PKD1L1: variants seen among roughly 807,000 people sequenced by gnomAD.
PKD1L1 encodes polycystin-1-like protein 1.
In PKD1L1, 236 loss-of-function variants were observed where a neutral mutation model predicts 323.4. The ratio of observed to expected loss-of-function variants is 0.73; its 90% CI spans 0.66 to 0.81. The LOEUF is 0.81. PKD1L1 is among the 40% of genes least tolerant of loss of function. The pLI is 0.00. For missense variants in PKD1L1, 3,320 were observed against 3,508.0 expected, an observed-to-expected ratio of 0.95 and a Z score of 1.35; for synonymous variants, 1,344 against 1,335.0, an observed-to-expected ratio of 1.01 and a Z score of -0.15.
chr7:47,826,911 T>C (rs949682316), intron 45 of PKD1L1, among the ~76,000 whole-genome samples: 2 of 152,272 alleles, frequency 1.3e-5, no homozygotes, highest in African/African-American at 4.8e-5. Context: ...GCTAAATCCA[T>C]GCCCTAAGAA....
chr7:47,815,594 C>T (rs1784999410), intron 46 of PKD1L1, 137 bp from the exon 47 acceptor site: 1 of 1,013,680 alleles, frequency 9.9e-7, no homozygotes, highest in South Asian at 1.6e-5. Context: ...ACTCAAGCTG[C>T]TTGCAGCGTG....
At chr7:47,786,789 C>T (rs1367363551) in intron 56 of PKD1L1, among the ~76,000 whole-genome samples, 2 of 152,180 alleles carry the variant, frequency 1.3e-5, no homozygotes, top group East Asian at 1.9e-4. Context: ...GGCAAGAGCT[C>T]GGAGGTCCTT....
At chr7:47,822,191 C>T (rs531336260) in intron 45 of PKD1L1, among the ~76,000 whole-genome samples, 4 of 152,236 alleles carry the variant, frequency 2.6e-5, no homozygotes, top group South Asian at 2.1e-4. Flanking sequence ...AGATAGTGTG[C>T]GTCCTCTGAC....
intron 11 of PKD1L1, 105 bp from the exon 12 acceptor site, chr7:47,904,722 G>A: frequency 1.5e-6 from 2 of 1,323,130 alleles, no homozygotes; most frequent in Non-Finnish European, 2.0e-6. Flanking sequence ...GCGGGGGAGG[G>A]GGAGGCAGCA....
chr7:47,951,903 T>C (rs1050528755), upstream of PKD1L1, among the ~76,000 whole-genome samples: 1 of 152,122 alleles, frequency 6.6e-6, no homozygotes, highest in African/African-American at 2.4e-5. Flanking sequence ...GTTTCTCACC[T>C]CCAAATGGAG....
chr7:47,864,307 A>G (rs1472294305), intron 26 of PKD1L1, among the ~76,000 whole-genome samples: 1 of 152,152 alleles, frequency 6.6e-6, no homozygotes, highest in East Asian at 1.9e-4. Flanking sequence ...TTAGATTCAC[A>G]GACTGGAGGT....
intron 12 of PKD1L1, among the ~76,000 whole-genome samples, chr7:47,903,004 G>A (rs1289917398): frequency 6.6e-6 from 1 of 152,328 alleles, no homozygotes; most frequent in East Asian, 1.9e-4. Context: ...AGGAAGGACA[G>A]GATAGATCCA....
At chr7:47,829,723 T>A in intron 43 of PKD1L1, 122 bp from the exon 44 acceptor site, 1 of 1,070,446 alleles carries the variant, frequency 9.3e-7, no homozygotes, top group Non-Finnish European at 1.3e-6. Flanking sequence ...AAGACACCAG[T>A]AGTCACTGCC....
chr7:47,785,888 C>T (rs182204967), intron 56 of PKD1L1, among the ~76,000 whole-genome samples: 29 of 152,008 alleles, frequency 1.9e-4, no homozygotes, highest in Admixed American at 1.2e-3. Context: ...ATTATAGGCG[C>T]CCATCACCAC....
In PKD1L1 at chr7:47,865,785, C is replaced by T. The variant is rs766876405; in HGVS notation, c.4093-513G>A. 2.6e-4 allele frequency among the ~76,000 whole-genome samples: 39 copies of T among 148,160 alleles called. No individual in the cohort carries two copies. The Middle Eastern group carries it at 0.01, about 40-fold the overall frequency. On this transcript the variant is annotated intron_variant, in intron 25 of 56. Coordinates refer to ENST00000289672, the MANE Select transcript of PKD1L1 (RefSeq NM_138295.5). ...TTTTTTTTTGTATTTTTAGCAGAGA[C>T]GGGGTTTCACTGTGTTAGCCAGGAT...
At chr7:47,904,144 GC>G (rs1156499509) in intron 12 of PKD1L1, among the ~76,000 whole-genome samples, 1 of 152,038 alleles carries the variant, frequency 6.6e-6, no homozygotes, top group Admixed American at 6.6e-5. Context: ...CACATCACAG[GC>G]CTCCTTTGCA....
chr7:47,949,212 T>G (rs1788163674), upstream of PKD1L1, among the ~76,000 whole-genome samples: 1 of 150,796 alleles, frequency 6.6e-6, no homozygotes, highest in South Asian at 2.1e-4. Flanking sequence ...CTACTAAAAA[T>G]ACAAAAATTA....
rs958041356 is a variant in PKD1L1, at chr7:47,937,108, G to A, written c.286-150C>T. 9 of 625,334 alleles carry A rather than the reference G, an allele frequency of 1.4e-5. No homozygotes were observed. In the African/African-American group the frequency reaches 1.5e-4, roughly 10 times the overall value. 38.7% of individuals were successfully genotyped at this position (625,334 alleles called of 1,614,324 possible). On this transcript the variant is annotated intron_variant, in intron 3 of 56. Transcript: ENST00000289672. ...TGGGCACCAGAGAAGCAACAGCGAG[G>A]AAAGCAGACAGCTTCATCCTCCCAG...
In PKD1L1 at chr7:47,898,155, C is replaced by CT; in HGVS notation, c.2103_2104insA (p.Glu702ArgfsTer7). 1 of 1,614,138 alleles carries CT rather than the reference C, an allele frequency of 6.2e-7. No individual in the cohort carries two copies. The highest frequency in any genetic ancestry group is 8.5e-7 in the Non-Finnish European group (1 of 1,180,012). On this transcript the variant is annotated frameshift_variant, in exon 14 of 57. Coordinates refer to ENST00000289672, the MANE Select transcript of PKD1L1 (RefSeq NM_138295.5). LOFTEE classifies it high-confidence loss of function. ...GAAATATCACAGAAGACTGCAGCTT[C>CT]AAACGTCACTCCCAGCCTCACAGGC... is the stretch of plus-strand genomic sequence containing the variant.
chr7:47,830,112 CT>C lies in PKD1L1; in HGVS notation c.6485del (p.Glu2162GlyfsTer106). 6.2e-7 allele frequency: 1 copy of C among 1,614,036 alleles called. No individual in the cohort carries two copies. The highest frequency in any genetic ancestry group is 1.1e-5 in the South Asian group (1 of 91,060). On this transcript the variant is annotated frameshift_variant, in exon 43 of 57. Coordinates refer to ENST00000289672, the MANE Select transcript of PKD1L1 (RefSeq NM_138295.5). LOFTEE classifies it high-confidence loss of function. ...TGFLAYRFGQ[E>X]QCVQWLHLLS... ...GCAGGTGCAGCCACTGCACACATTG[CT>C]CCTGGCCAAACCTGCCCCCAGGGAA...
Position 47,853,220 on chromosome 7 carries a change from C to T in PKD1L1, c.4867G>A (p.Glu1623Lys). The T allele has an allele frequency of 6.2e-7, 1 of 1,608,566 alleles. No individual in the cohort carries two copies. The highest frequency in any genetic ancestry group is 8.5e-7 in the Non-Finnish European group (1 of 1,175,044). ...FPVMLLVRFSEKPTPSDFLVK... is the reference protein window; with the variant it reads ...FPVMLLVRFSKKPTPSDFLVK... ...AGAAAATCAGAGGGAGTAGGTTTCT[C>T]AGAGAATCTAGGAGATAAAAACAAA... Residue 1623 changes from glutamate to lysine, a missense_variant, in exon 31 of 57, where the codon GAG (glutamate) becomes AAG (lysine). Glu to Lys is a moderately conservative substitution (Grantham distance 56). Coordinates refer to ENST00000289672, the MANE Select transcript of PKD1L1 (RefSeq NM_138295.5).
At position 47,911,242 on chromosome 7, in the gene PKD1L1, T is replaced by C. The variant is rs577644485; in HGVS notation, c.1229-2992A>G. 5.7e-4 allele frequency among the ~76,000 whole-genome samples: 87 copies of C among 152,302 alleles called. No homozygotes were observed. In the South Asian group the frequency reaches 5.8e-3, roughly 10 times the overall value. ...GTGTGGCATCTCACTCTCTCTCATT[T>C]CTGCTTTTACTGTGTGCTGTGCCTG... On this transcript the variant is annotated intron_variant, in intron 8 of 56. Transcript: ENST00000289672.
At chr7:47,808,981 CTT>C (rs1784838621) in intron 51 of PKD1L1, 2 of 138,244 alleles carry the variant, frequency 1.4e-5, no homozygotes, top group Admixed American at 7.6e-5. Context: ...ACTTAAAAAT[CTT>C]TTAATTTTTT....
chr7:47,957,224 C>G, the PKD1L1 span: 5 of 167,466 alleles, frequency 3.0e-5, no homozygotes, highest in Admixed American at 1.9e-4. Flanking sequence ...AACAAAGTAG[C>G]TGCTTTCAGC....
Sources: allele counts gnomAD v4.1 joint callset (sites outside exome capture counted in the v4.1 genomes callset), GRCh38; gene constraint gnomAD v4.1.1; transcripts MANE v1.5; gene names NCBI Gene and HGNC (gene_info 2026-07-23, HGNC 2026-07-21).